Variants in CCL3L3 observed in about 807,000 individuals in gnomAD.
CCL3L3 encodes C-C motif chemokine ligand 3 like 3, also known as C-C motif chemokine 3-like 1.
A neutral mutation model predicts 9.0 loss-of-function variants in CCL3L3; 6 were observed. That is an observed-to-expected ratio of 0.67 (90% confidence interval 0.37 to 1.32). The LOEUF (loss-of-function observed/expected upper bound fraction) is 1.32. Among genes scored for constraint, CCL3L3 ranks in the 40% most tolerant of loss-of-function variants. The probability of loss-of-function intolerance (pLI) is 0.02; values close to 1 mark genes in which losing one functional copy is unlikely to be tolerated. For missense variants in CCL3L3, 93 were observed against 117.0 expected, an observed-to-expected ratio of 0.79 and a Z score of 0.95; for synonymous variants, 38 against 45.7, an observed-to-expected ratio of 0.83 and a Z score of 0.68.
chr17:36,196,439 G>T lies in CCL3L3; in HGVS notation c.76+159C>A, dbSNP rs1173117765. 13 of 965,640 alleles carry T rather than the reference G, an allele frequency of 1.3e-5. No homozygotes were observed. The East Asian group carries it at 3.0e-4, about 22-fold the overall frequency. 59.8% of individuals were successfully genotyped at this position (965,640 alleles called of 1,614,324 possible). On this transcript the variant is annotated intron_variant, in intron 1 of 2. Transcript: ENST00000619989. Reference sequence around the variant, plus strand: ...TAGGAGGGCTAAGACCCCTTCTAGAGATAAAAATAAAAGTTGTGAAGAAAA... The same window carrying T: ...TAGGAGGGCTAAGACCCCTTCTAGATATAAAAATAAAAGTTGTGAAGAAAA...
Position 36,195,113 on chromosome 17 carries a change from T to A in CCL3L3, c.*173A>T, listed in dbSNP as rs1280350653. On this transcript the variant is annotated 3_prime_UTR_variant, in exon 3 of 3. Coordinates refer to ENST00000619989, the MANE Select transcript of CCL3L3 (RefSeq NM_001001437.4). ...AAAATAAATTATAAAAACTAAATAG[T>A]ATAAATAAATTAAAATTTAAGTTAA... The A allele has an allele frequency of 5.5e-6, 4 of 732,020 alleles. No individual in the cohort carries two copies. Among genetic ancestry groups the A allele is most frequent in the African/African-American group, 4.8e-5 (3 of 61,934 alleles). 45.3% of individuals were successfully genotyped at this position (732,020 alleles called of 1,614,324 possible). A position where few individuals can be genotyped will look rare whatever the true frequency, so the allele number is the denominator to read the frequency against.
chr17:36,196,194 C>T (rs1234766644), intron 1 of CCL3L3: 4 of 631,898 alleles, frequency 6.3e-6, no homozygotes, highest in African/African-American at 1.7e-5. Context: ...AAGTCATACC[C>T]CAGCCCAAGA....
At chr17:36,195,438 C>T (rs1598983778) in intron 2 of CCL3L3, 62 bp from the exon 3 acceptor site, 1 of 1,549,688 alleles carries the variant, frequency 6.5e-7, no homozygotes, top group Non-Finnish European at 8.9e-7. Context: ...CTGGGCCCAC[C>T]ATGGCCCTGA....
chr17:36,196,010 G>T, intron 1 of CCL3L3, 98 bp from the exon 2 acceptor site: 1 of 1,232,836 alleles, frequency 8.1e-7, no homozygotes, highest in Non-Finnish European at 1.1e-6. Context: ...GGCTTGCTCA[G>T]ACCAAGTGAC....
At chr17:36,196,224 A>G (rs1167305407) in intron 1 of CCL3L3, 2 of 640,244 alleles carry the variant, frequency 3.1e-6, no homozygotes, top group African/African-American at 3.5e-5. Flanking sequence ...GACATCTCTC[A>G]TAAGACATCC....
rs2068605859 is a variant in CCL3L3 at position 36,195,075 on chromosome 17, C to G, written c.*211G>C. 1 of 562,898 alleles carries G rather than the reference C, an allele frequency of 1.8e-6. No homozygotes were observed. The highest frequency in any genetic ancestry group is 3.1e-6 in the Non-Finnish European group (1 of 320,204). The allele number at this position is 562,898 out of a possible 1,614,324, so 34.9% of individuals were successfully genotyped here. On this transcript the variant is annotated 3_prime_UTR_variant, in exon 3 of 3. Coordinates refer to ENST00000619989, the MANE Select transcript of CCL3L3 (RefSeq NM_001001437.4). ...CTCTCAGAGCAAACAATCACAAACA[C>G]ACTGTGAAATCAAAAATAAATTATA...
intron 1 of CCL3L3, chr17:36,196,208 G>A: frequency 3.1e-6 from 2 of 636,692 alleles, no homozygotes; most frequent in Non-Finnish European, 5.8e-6. Context: ...CCCAAGAGAA[G>A]CCCTGGACAT....
chr17:36,195,287 C>T lies in CCL3L3; in HGVS notation c.281G>A (p.Ter94=). The change falls in exon 3 of 3, where the codon TGA becomes TAA. Residue 94 remains the stop codon, a stop_retained_variant. Transcript: ENST00000619989. ...TGGGCCTCGAAGCTTCTGGACCCCT[C>T]AGGCACTCAGCTCCAGGTCACTGAC... ...KYVSDLELSA[*] is the part of the protein sequence containing the mutation. 6.3e-7 allele frequency: 1 copy of T among 1,582,334 alleles called. No individual in the cohort carries two copies. The highest frequency in any genetic ancestry group is 8.6e-7 in the Non-Finnish European group (1 of 1,157,470).
chr17:36,196,543 G>A lies in CCL3L3; in HGVS notation c.76+55C>T, dbSNP rs1272714946. ...TCTCAGGCCACAAAAAAAGACTGAT[G>A]TGGTCTAACCATGGCCAGAGAGTGG... On this transcript the variant is annotated intron_variant, in intron 1 of 2. Transcript: ENST00000619989. 38 of 1,544,360 alleles carry A rather than the reference G, an allele frequency of 2.5e-5. 7 individuals are homozygous for A. Among genetic ancestry groups the A allele is most frequent in the Non-Finnish European group, 3.2e-5 (36 of 1,122,890 alleles).
Position 36,195,795 on chromosome 17 carries a change from T to C in CCL3L3, c.191+3A>G. 1 of 1,582,864 alleles carries C rather than the reference T, an allele frequency of 6.3e-7. No individual in the cohort carries two copies. The highest frequency in any genetic ancestry group is 1.1e-5 in the South Asian group (1 of 89,236). On this transcript the variant is annotated splice_donor_region_variant and intron_variant, in intron 2 of 2. Coordinates refer to ENST00000619989, the MANE Select transcript of CCL3L3 (RefSeq NM_001001437.4). Reference sequence around the variant, plus strand: ...AGAGGTGAGCAGGAAGACTGGCACTTACATGACACTGGGCTTGGAGCACTG... The same window carrying C: ...AGAGGTGAGCAGGAAGACTGGCACTCACATGACACTGGGCTTGGAGCACTG...
intron 1 of CCL3L3, 145 bp from the exon 2 acceptor site, chr17:36,196,057 CTT>C (rs2068617894): frequency 3.1e-6 from 3 of 958,668 alleles, no homozygotes; most frequent in African/African-American, 2.9e-5. Flanking sequence ...AGAAATGTCT[CTT>C]TGTTTCTGTC....
At position 36,195,300 on chromosome 17, in the gene CCL3L3, C is replaced by T; in HGVS notation, c.268G>A (p.Glu90Lys). The T allele has an allele frequency of 6.3e-7, 1 of 1,582,328 alleles. No individual in the cohort carries two copies. Among genetic ancestry groups the T allele is most frequent in the Non-Finnish European group, 8.6e-7 (1 of 1,157,490 alleles). Residue 90 changes from glutamate (E) to lysine (K), a missense_variant, in exon 3 of 3, where the codon GAG becomes AAG. Physicochemically the swap from Glu to Lys is moderately conservative, Grantham distance 56 (BLOSUM62 1). Coordinates refer to ENST00000619989, the MANE Select transcript of CCL3L3 (RefSeq NM_001001437.4). ...TTCTGGACCCCTCAGGCACTCAGCT[C>T]CAGGTCACTGACGTATTTCTGGACC... The part of the protein sequence containing the change: ...EWVQKYVSDL[E>K]LSA
chr17:36,196,527 A>G (rs2073462), intron 1 of CCL3L3, 71 bp downstream of exon 1: 1,199,346 of 1,512,294 alleles, frequency 0.79, 474,727 homozygotes, highest in Non-Finnish European at 0.84. Context: ...CTCTCAGGCC[A>G]CAAAAAAAGA....
intron 1 of CCL3L3, 114 bp from the exon 2 acceptor site, chr17:36,196,026 G>C: frequency 8.9e-7 from 1 of 1,129,608 alleles, no homozygotes; most frequent in East Asian, 2.7e-5. Context: ...GTGACTGCAA[G>C]GCATTTGGGG....
In CCL3L3 at chr17:36,196,643, G is replaced by A. The variant is rs1309715265; in HGVS notation, c.31C>T (p.Leu11Phe). ...TTGCAGAGAGCCATGGTGCAGAGGA[G>A]GACGGCAAGGGCAGCAGTGGAGACC... MQVSTAALAV[L>F]LCTMALCNQV... Residue 11 changes from leucine (L) to phenylalanine (F), a missense_variant, in exon 1 of 3, where the codon CTC (leucine) becomes TTC (phenylalanine). By Grantham distance (22) the Leu-to-Phe change is conservative (BLOSUM62 0). Transcript: ENST00000619989. The A allele has an allele frequency of 1.3e-6, 2 of 1,580,954 alleles. No individual in the cohort carries two copies. The highest frequency in any genetic ancestry group is 1.7e-6 in the Non-Finnish European group (2 of 1,156,434).
chr17:36,195,596 C>G lies in CCL3L3; in HGVS notation c.191+202G>C. The G allele has an allele frequency of 2.0e-6, 2 of 1,025,048 alleles. 1 individual carries two copies. The highest frequency in any genetic ancestry group is 3.0e-6 in the Non-Finnish European group (2 of 655,948). 63.5% of individuals were successfully genotyped at this position (1,025,048 alleles called of 1,614,324 possible). ...GCCTCCTTCTTCCTGTCCCTTTCCT[C>G]TGGCCTGGGGCAGCCCTTCCTGACT... On this transcript the variant is annotated intron_variant, in intron 2 of 2. Coordinates refer to ENST00000619989, the MANE Select transcript of CCL3L3 (RefSeq NM_001001437.4).
At position 36,195,251 on chromosome 17, in the gene CCL3L3, A is replaced by T; in HGVS notation, c.*35T>A. The stretch of plus-strand genomic sequence containing the variant: ...GCTCCTGCTCCTCCCCACTGGGCCC[A>T]CTGAGGTCGCTGGGCCTCGAAGCTT... On this transcript the variant is annotated 3_prime_UTR_variant, in exon 3 of 3. Transcript: ENST00000619989. 1 of 1,575,550 alleles carries T rather than the reference A, an allele frequency of 6.3e-7. No homozygotes were observed. Among genetic ancestry groups the T allele is most frequent in the Non-Finnish European group, 8.7e-7 (1 of 1,151,480 alleles).
At chr17:36,195,671 C>T (rs2068613175) in intron 2 of CCL3L3, 127 bp downstream of exon 2, 1 of 1,309,708 alleles carries the variant, frequency 7.6e-7, no homozygotes, top group Non-Finnish European at 1.1e-6. Context: ...ACCTCAGTGC[C>T]CTGCGTCCTG....
At position 36,195,063 on chromosome 17, in the gene CCL3L3, C is replaced by CA; in HGVS notation, c.*222dup. The CA allele has an allele frequency of 1.9e-6, 1 of 529,262 alleles. No individual in the cohort carries two copies. The highest frequency in any genetic ancestry group is 1.8e-5 in the African/African-American group (1 of 57,132). 32.8% of individuals were successfully genotyped at this position (529,262 alleles called of 1,614,324 possible). A position where few individuals can be genotyped will look rare whatever the true frequency, so the allele number is the denominator to read the frequency against. Reference sequence around the variant, plus strand: ...GGACAGGGGGAACTCTCAGAGCAAACAATCACAAACACACTGTGAAATCAA... The same window carrying CA: ...GGACAGGGGGAACTCTCAGAGCAAACAAATCACAAACACACTGTGAAATCAA... On this transcript the variant is annotated 3_prime_UTR_variant, in exon 3 of 3. Coordinates refer to ENST00000619989, the MANE Select transcript of CCL3L3 (RefSeq NM_001001437.4).
Sources: allele counts gnomAD v4.1 joint callset, GRCh38; gene constraint gnomAD v4.1.1; transcripts MANE v1.5; gene names NCBI Gene and HGNC (gene_info 2026-07-23, HGNC 2026-07-21).